The following CFAP74 variants were observed in gnomAD, a reference collection of about 807,000 sequenced individuals.
CFAP74 encodes the protein cilia- and flagella-associated protein 74.
A neutral mutation model predicts 188.9 loss-of-function variants in CFAP74; 124 were observed. The ratio of observed to expected loss-of-function variants is 0.66; its 90% CI spans 0.57 to 0.76. CFAP74 has a LOEUF of 0.76. Among genes scored for constraint, CFAP74 ranks in the 30% least tolerant of loss-of-function variants. CFAP74 has a pLI of 0.00. For missense variants in CFAP74, 2,198 were observed against 2,165.2 expected, an observed-to-expected ratio of 1.02 and a Z score of -0.30; for synonymous variants, 956 against 916.7, an observed-to-expected ratio of 1.04 and a Z score of -0.77.
rs1276600402 is a variant in CFAP74 at position 1,968,240 on chromosome 1, G to C, written c.1245+395C>G. Among the ~76,000 whole-genome samples, 1 of 152,214 alleles carries C rather than the reference G, an allele frequency of 6.6e-6. No individual in the cohort carries two copies. On this transcript the variant is annotated intron_variant, in intron 11 of 38. Transcript: ENST00000682832. The surrounding 1 kb of genome is among the most constrained non-coding windows in gnomAD (Gnocchi z 4.3). ...GTGCTATCAGGAGTGCTTTGTAGCA[G>C]GGTGATCCCAGGCATGTGGTCTGAA...
chr1:1,963,873 A>G lies in CFAP74; in HGVS notation c.1576-6T>C, dbSNP rs745635734. ...ACTTTGCCAATATCAAAGTCCTGGG[A>G]AAGGCCGAGGTAGCAGCTTCAGAGC... On this transcript the variant is annotated splice_polypyrimidine_tract_variant and splice_region_variant and intron_variant, in intron 13 of 38. Coordinates refer to ENST00000682832, the MANE Select transcript of CFAP74 (RefSeq NM_001304360.2). 1 of 1,593,180 alleles carries G rather than the reference A, an allele frequency of 6.3e-7. No homozygotes were observed. Among genetic ancestry groups the G allele is most frequent in the East Asian group, 2.2e-5 (1 of 44,704 alleles).
Position 1,968,668 on chromosome 1 carries a change from C to T in CFAP74, c.1212G>A (p.Lys404=). 1.2e-5 allele frequency: 19 copies of T among 1,554,842 alleles called. No homozygotes were observed. The highest frequency in any genetic ancestry group is 1.7e-5 in the Non-Finnish European group (19 of 1,150,480). Residue 404 remains lysine, a synonymous_variant, in exon 11 of 39, where the codon AAG becomes AAA. Coordinates refer to ENST00000682832, the MANE Select transcript of CFAP74 (RefSeq NM_001304360.2). The surrounding 1 kb of genome is among the most constrained non-coding windows in gnomAD (Gnocchi z 4.3). ...ACGTGTTGGTTGGGACTGTGGTCTT[C>T]TTGCAAAAGTCAGAAATGTAGTTCC... The part of the protein sequence containing the change: ...KTWNYISDFC[K]KTTVPTNTYT...
intron 18 of CFAP74, among the ~76,000 whole-genome samples, chr1:1,948,733 T>C (rs116688931): frequency 0.015 from 2,218 of 151,958 alleles, 57 homozygotes; most frequent in African/African-American, 0.05. Flanking sequence ...GGACTACAGA[T>C]GCATGTCACC....
At chr1:1,950,262 G>A (rs1021318301) in intron 18 of CFAP74, among the ~76,000 whole-genome samples, 5 of 151,858 alleles carry the variant, frequency 3.3e-5, no homozygotes, top group Middle Eastern at 3.4e-3. Flanking sequence ...ATGATGTTGA[G>A]CGTCTTTTCA....
chr1:1,943,342 C>T (rs1359936359), intron 21 of CFAP74, among the ~76,000 whole-genome samples: 2 of 152,224 alleles, frequency 1.3e-5, no homozygotes, highest in Admixed American at 6.5e-5. Context: ...CCCGGGTCAC[C>T]GCAGGCTGCA....
Position 1,926,959 on chromosome 1 carries a change from T to C in CFAP74, c.3597A>G (p.Val1199=). The part of the protein sequence containing the change: ...RAFQAKFDTF[V]VPCVVASGDI... The stretch of plus-strand genomic sequence containing the variant: ...CGCCACTGGCAACAACACAGGGAAC[T>C]ACAAATGTGTCAAACTTCGCCTGGA... The change falls in exon 29 of 39, where the codon GTA becomes GTG. Residue 1199 remains valine (V), a synonymous_variant. Transcript: ENST00000682832. 1 of 1,550,250 alleles carries C rather than the reference T, an allele frequency of 6.5e-7. No individual in the cohort carries two copies. The highest frequency in any genetic ancestry group is 8.7e-7 in the Non-Finnish European group (1 of 1,146,880).
chr1:1,987,050 C>G lies in CFAP74; in HGVS notation c.297-15G>C, dbSNP rs1657286413. On this transcript the variant is annotated splice_polypyrimidine_tract_variant and intron_variant, in intron 4 of 38. Transcript: ENST00000682832. The stretch of plus-strand genomic sequence containing the variant: ...GCAGCTCCCCTCTGGAACAGGGAAA[C>G]AAAGGTCAGATGATGGTTCCCTGAA... The G allele has an allele frequency of 1.9e-6, 3 of 1,579,968 alleles. No individual in the cohort carries two copies. In the East Asian group the frequency reaches 6.8e-5, roughly 36 times the overall value.
chr1:1,969,911 G>A (rs1005931497), intron 10 of CFAP74, among the ~76,000 whole-genome samples: 1 of 152,260 alleles, frequency 6.6e-6, no homozygotes, highest in Non-Finnish European at 1.5e-5. Context: ...AAAGGGCCAG[G>A]CTCCCGGGAT....
At chr1:2,001,723 C>T (rs1215349968) in intron 1 of CFAP74, among the ~76,000 whole-genome samples, 3 of 152,120 alleles carry the variant, frequency 2.0e-5, no homozygotes, top group South Asian at 2.1e-4. Flanking sequence ...TCATCAGTAA[C>T]GTGACAACGT....
chr1:1,970,825 CAGAG>C lies in CFAP74; in HGVS notation c.889-13_889-10del, dbSNP rs540044623. On this transcript the variant is annotated splice_polypyrimidine_tract_variant and intron_variant, in intron 9 of 38. Transcript: ENST00000682832. Reference sequence around the variant, plus strand: ...AACTTCCGCAGTGTGTCCTTGGAAACAGAGAGCACTGAGATGACAGCAGCAGCAC... The same window carrying C: ...AACTTCCGCAGTGTGTCCTTGGAAACAGCACTGAGATGACAGCAGCAGCAC... The C allele has an allele frequency of 5.0e-5, 80 of 1,613,664 alleles. No individual in the cohort carries two copies. Among genetic ancestry groups the C allele is most frequent in the Middle Eastern group, 1.6e-4 (1 of 6,080 alleles).
In CFAP74 at chr1:1,972,115, C is replaced by T. The variant is rs113770087; in HGVS notation, c.786-33G>A. On this transcript the variant is annotated intron_variant, in intron 8 of 38. Transcript: ENST00000682832. ...AGGACATTTAAACATTTTTGAGGCT[C>T]TGTCGCCCAGGCTGGTGTGCAGTGG... 38 of 1,554,272 alleles carry T rather than the reference C, an allele frequency of 2.4e-5. 1 individual carries two copies. The African/African-American group carries it at 2.8e-4, about 12-fold the overall frequency.
At chr1:1,930,632 C>T (rs1216689079) in intron 25 of CFAP74, among the ~76,000 whole-genome samples, 2 of 152,204 alleles carry the variant, frequency 1.3e-5, no homozygotes, top group African/African-American at 2.4e-5. Flanking sequence ...CGACAGCTCA[C>T]TGTAGCCTCG....
intron 1 of CFAP74, among the ~76,000 whole-genome samples, chr1:2,000,696 CTGTGTGCATT>C (rs559024281): frequency 9.8e-4 from 149 of 152,310 alleles, no homozygotes; most frequent in African/African-American, 3.2e-3. Flanking sequence ...GACATTCTCT[CTGTGTGCATT>C]TGTATGTCCA....
rs372213469 is a variant in CFAP74, at chr1:1,975,210, A to G, written c.501-1012T>C. ...GTCCAGTCTCTCTCCCCACTGCAAC[A>G]CCCGGGGCAGGGGTCCCACCGCCTT... is the stretch of plus-strand genomic sequence containing the variant. On this transcript the variant is annotated intron_variant, in intron 6 of 38. Coordinates refer to ENST00000682832, the MANE Select transcript of CFAP74 (RefSeq NM_001304360.2). This position sits in a 1 kb window ranked among gnomAD's most constrained non-coding sequence, Gnocchi z 4.5. 9.2e-4 allele frequency among the ~76,000 whole-genome samples: 140 copies of G among 152,086 alleles called. No homozygotes were observed. The highest frequency in any genetic ancestry group is 3.3e-3 in the African/African-American group (135 of 41,484).
At chr1:1,946,967 T>C in intron 19 of CFAP74, 23 bp downstream of exon 19, 1 of 1,526,834 alleles carries the variant, frequency 6.5e-7, no homozygotes, top group African/African-American at 1.4e-5. Context: ...GTGGCAGCTA[T>C]TTTAGGGCCT....
At chr1:1,943,295 G>T (rs1653514732) in intron 21 of CFAP74, among the ~76,000 whole-genome samples, 1 of 152,214 alleles carries the variant, frequency 6.6e-6, no homozygotes, top group Non-Finnish European at 1.5e-5. Context: ...GAGGCGAGCA[G>T]ACTCCACCGC....
intron 15 of CFAP74, 72 bp downstream of exon 15, chr1:1,959,892 C>T: frequency 1.5e-6 from 2 of 1,344,378 alleles, no homozygotes; most frequent in Non-Finnish European, 2.0e-6. Flanking sequence ...ATGTTCTGCG[C>T]CACCATGCCC....
intron 1 of CFAP74, among the ~76,000 whole-genome samples, chr1:1,998,085 C>T (rs111975627): frequency 6.6e-6 from 1 of 152,104 alleles, no homozygotes; most frequent in African/African-American, 2.4e-5. Context: ...CGAGACCTGC[C>T]TGGCCAATAT....
intron 1 of CFAP74, among the ~76,000 whole-genome samples, chr1:1,991,844 C>T (rs549922323): frequency 2.6e-5 from 4 of 151,986 alleles, no homozygotes; most frequent in South Asian, 4.2e-4. Context: ...TCGAGACTAT[C>T]CTGGCTAGCA....
Sources: gnomAD v4.1 joint callset for allele counts (sites outside exome capture counted in the v4.1 genomes callset) on GRCh38, gnomAD v4.1.1 for gene constraint, Gnocchi (gnomAD v3.1) non-coding constraint, MANE v1.5 for transcripts, NCBI Gene and HGNC (gene_info 2026-07-23, HGNC 2026-07-21) for gene names.